The following SCLT1 variants were observed in gnomAD, a reference collection of about 807,000 sequenced individuals.
SCLT1 encodes sodium channel and clathrin linker 1.
Under a neutral mutation model 112.8 loss-of-function variants are expected in SCLT1, and 78 were observed. The observed-to-expected ratio is 0.69, with a 90% CI of 0.58 to 0.83. The LOEUF (loss-of-function observed/expected upper bound fraction) is 0.83. Among genes scored for constraint, SCLT1 ranks in the 40% least tolerant of loss-of-function variants. The probability of loss-of-function intolerance (pLI) is 0.00; values close to 1 mark genes in which losing one functional copy is unlikely to be tolerated. For missense variants in SCLT1, 747 were observed against 770.4 expected (o/e 0.97, Z 0.36); for synonymous variants, 257 against 254.7 (o/e 1.01, Z -0.09).
chr4:128,977,725 G>A (rs541055302), intron 9 of SCLT1, among the ~76,000 whole-genome samples: 8 of 152,210 alleles, frequency 5.3e-5, no homozygotes, highest in South Asian at 2.1e-4. Context: ...AAGACGGAAC[G>A]TATCACAGAG....
At chr4:128,906,705 T>C (rs1734722575) in intron 18 of SCLT1, among the ~76,000 whole-genome samples, 1 of 152,052 alleles carries the variant, frequency 6.6e-6, no homozygotes, top group African/African-American at 2.4e-5. Flanking sequence ...TAGAAGGAGT[T>C]TGGGGAAATT....
intron 5 of SCLT1, among the ~76,000 whole-genome samples, chr4:129,012,352 G>T (rs1282590307): frequency 6.6e-6 from 1 of 151,660 alleles, no homozygotes; most frequent in African/African-American, 2.4e-5. Flanking sequence ...GCAAATTTCT[G>T]TTTTGGCTTC....
intron 18 of SCLT1, among the ~76,000 whole-genome samples, chr4:128,903,246 C>T (rs1734457932): frequency 6.6e-6 from 1 of 151,936 alleles, no homozygotes; most frequent in Non-Finnish European, 1.5e-5. Context: ...TTTAGCATCA[C>T]CATAAACACC....
chr4:129,003,240 C>A (rs1235000965), intron 6 of SCLT1, among the ~76,000 whole-genome samples: 1 of 151,748 alleles, frequency 6.6e-6, no homozygotes, highest in Non-Finnish European at 1.5e-5. Context: ...ACAATGAGAA[C>A]ACATGGACAC....
rs754285607 is a variant in SCLT1, at chr4:128,999,691, AATACATGAATCT to A, written c.518_529del (p.Gln173_Phe177delinsLeu). On this transcript the variant is annotated inframe_deletion, in exon 7 of 21. Transcript: ENST00000281142. ...GATTACCTTTTGTTTTTGACTTTCA[AATACATGAATCT>A]GGGCCTCAGTCATATGTTCCTGGTA... The A allele has an allele frequency of 1.5e-5, 24 of 1,599,456 alleles. No individual in the cohort carries two copies. The Admixed American group carries it at 4.1e-4, about 27-fold the overall frequency.
At chr4:129,082,512 T>C (rs1752033060) in intron 1 of SCLT1, 139 bp from the exon 2 acceptor site, 1 of 460,480 alleles carries the variant, frequency 2.2e-6, no homozygotes, top group East Asian at 3.3e-5. Context: ...GAATCATCAG[T>C]TTCAATACAC....
chr4:129,003,423 A>T (rs1170702461), intron 6 of SCLT1, among the ~76,000 whole-genome samples: 1 of 151,098 alleles, frequency 6.6e-6, no homozygotes, highest in Non-Finnish European at 1.5e-5. Context: ...CCTAGAACTT[A>T]AAGTATAATT....
chr4:128,985,971 A>G (rs981269626), intron 9 of SCLT1, among the ~76,000 whole-genome samples: 1 of 152,242 alleles, frequency 6.6e-6, no homozygotes, highest in Non-Finnish European at 1.5e-5. Context: ...TGCAAAAATA[A>G]CAAATTGAAT....
intron 5 of SCLT1, among the ~76,000 whole-genome samples, chr4:129,024,893 G>A (rs556761415): frequency 6.8e-4 from 104 of 152,256 alleles, no homozygotes; most frequent in African/African-American, 2.4e-3. Context: ...CGAGAACTAC[G>A]TGAAGAATGC....
intron 20 of SCLT1, among the ~76,000 whole-genome samples, chr4:128,886,155 C>T (rs893973228): frequency 2.6e-5 from 4 of 152,124 alleles, no homozygotes; most frequent in South Asian, 2.1e-4. Flanking sequence ...GGCTTCACCA[C>T]GCTGATTTAA....
intron 18 of SCLT1, among the ~76,000 whole-genome samples, chr4:128,895,700 G>A (rs188222136): frequency 1.8e-3 from 279 of 152,258 alleles, no homozygotes; most frequent in Middle Eastern, 0.01. Flanking sequence ...CAGGACAGTG[G>A]GTGCAGCGCA....
chr4:128,912,115 T>C (rs1263593284), intron 18 of SCLT1, among the ~76,000 whole-genome samples: 1 of 151,580 alleles, frequency 6.6e-6, no homozygotes, highest in Non-Finnish European at 1.5e-5. Context: ...GTGGTATATA[T>C]AGAGACATCA....
chr4:128,921,792 A>G (rs1431914910), intron 18 of SCLT1, among the ~76,000 whole-genome samples: 3 of 152,212 alleles, frequency 2.0e-5, no homozygotes, highest in Non-Finnish European at 2.9e-5. Flanking sequence ...AAAAGTTGAC[A>G]TGTGGGACCT....
At chr4:129,089,867 GT>G (rs78552967) in intron 1 of SCLT1, among the ~76,000 whole-genome samples, 41,708 of 151,878 alleles carry the variant, frequency 0.27, 6,019 homozygotes, top group South Asian at 0.35. Flanking sequence ...CTGTTGGGGA[GT>G]GGGGGACTAA....
chr4:128,896,315 C>T (rs1201230012), intron 18 of SCLT1, among the ~76,000 whole-genome samples: 1 of 152,180 alleles, frequency 6.6e-6, no homozygotes, highest in Non-Finnish European at 1.5e-5. Context: ...GGGTGCTCCT[C>T]TGAGACAAAA....
intron 4 of SCLT1, among the ~76,000 whole-genome samples, chr4:128,876,137 C>T (rs192494318): frequency 1.5e-3 from 225 of 152,258 alleles, no homozygotes; most frequent in Middle Eastern, 6.8e-3. Flanking sequence ...TATGCATTCT[C>T]ATGTAGATTA....
intron 17 of SCLT1, among the ~76,000 whole-genome samples, chr4:128,941,216 C>G (rs146435166): frequency 5.7e-4 from 87 of 152,122 alleles, no homozygotes; most frequent in Non-Finnish European, 9.6e-4. Flanking sequence ...AGGAAGACAG[C>G]CAAACCGTAT....
At chr4:128,991,415 T>C (rs951904950) in intron 9 of SCLT1, among the ~76,000 whole-genome samples, 7 of 151,700 alleles carry the variant, frequency 4.6e-5, no homozygotes, top group African/African-American at 1.5e-4. Flanking sequence ...TTCATCTGGG[T>C]AAAGATTTCT....
intron 2 of SCLT1, among the ~76,000 whole-genome samples, chr4:129,073,296 A>G (rs1273024091): frequency 6.6e-6 from 1 of 152,046 alleles, no homozygotes; most frequent in African/African-American, 2.4e-5. Context: ...AAAATTCACA[A>G]TGTGAGCCTC....
Sources: allele counts gnomAD v4.1 joint callset (sites outside exome capture counted in the v4.1 genomes callset), GRCh38; gene constraint gnomAD v4.1.1; transcripts MANE v1.5; gene names NCBI Gene and HGNC (gene_info 2026-07-23, HGNC 2026-07-21).